The following PLCB3 variants were observed in gnomAD, a reference collection of about 807,000 sequenced individuals.
PLCB3 encodes 1-phosphatidylinositol 4,5-bisphosphate phosphodiesterase beta-3.
Under a neutral mutation model 152.1 loss-of-function variants are expected in PLCB3, and 54 were observed. That is an observed-to-expected ratio of 0.36 (90% CI 0.29 to 0.45). The LOEUF is 0.45. PLCB3 is among the 20% of genes least tolerant of loss of function. PLCB3 has a pLI of 1.00. For missense variants in PLCB3, 1,248 were observed against 1,687.5 expected (o/e 0.74, Z 4.56); for synonymous variants, 717 against 698.7 (o/e 1.03, Z -0.41).
chr11:64,267,447 TGGG>T lies in PLCB3; in HGVS notation c.3599_3601del (p.Gly1200del). ...CTGCTGGGCGAGATGCCGGAGGGGC[TGGG>T]GGACGGGCCTCTGGTGGCCTGTGCC... On this transcript the variant is annotated inframe_deletion, in exon 31 of 31. Transcript: ENST00000279230. The surrounding 1 kb of genome is among the most constrained non-coding windows in gnomAD (Gnocchi z 5.2). 6.4e-7 allele frequency: 1 copy of T among 1,553,144 alleles called. No individual in the cohort carries two copies. The highest frequency in any genetic ancestry group is 8.7e-7 in the Non-Finnish European group (1 of 1,151,992).
chr11:64,264,090 C>G lies in PLCB3; in HGVS notation c.2630C>G (p.Ala877Gly). Residue 877 changes from alanine to glycine, a missense_variant, in exon 22 of 31, where the codon GCC becomes GGC. This residue lies in a region of PLCB3 where 477 missense variants were observed against 489.6 expected (regional missense o/e 0.97). Coordinates refer to ENST00000279230, the MANE Select transcript of PLCB3 (RefSeq NM_000932.5). The stretch of plus-strand genomic sequence containing the variant: ...ATGGACCAGAGGGCCCGGCAGCTGG[C>G]CGCCCTCATTGGGGAGAGTGAGGTG... ...SLMDQRARQL[A>G]ALIGESEAQA... 6.5e-7 allele frequency: 1 copy of G among 1,548,526 alleles called. No individual in the cohort carries two copies. The highest frequency in any genetic ancestry group is 2.3e-5 in the East Asian group (1 of 44,236).
intron 22 of PLCB3, among the ~76,000 whole-genome samples, chr11:64,264,346 C>T (rs577339498): frequency 6.6e-6 from 1 of 152,324 alleles, no homozygotes; most frequent in South Asian, 2.1e-4. Context: ...ACAGGGGTCT[C>T]AGCCACTTCA....
intron 10 of PLCB3, 72 bp downstream of exon 10, chr11:64,256,836 G>T (rs2031558777): frequency 1.3e-6 from 2 of 1,513,182 alleles, no homozygotes; most frequent in East Asian, 2.3e-5. Flanking sequence ...TCCTCCTGGG[G>T]CACAGTCCTT....
At position 64,258,328 on chromosome 11, in the gene PLCB3, G is replaced by A; in HGVS notation, c.1013-145G>A. ...TCAGGGATGACTCCCCCCAGCTCAC[G>A]CTGGTGGGATGGACAGGTGGTGGGT... On this transcript the variant is annotated intron_variant, in intron 10 of 30. Coordinates refer to ENST00000279230, the MANE Select transcript of PLCB3 (RefSeq NM_000932.5). This position sits in a 1 kb window ranked among gnomAD's most constrained non-coding sequence, Gnocchi z 7.2. 2.3e-6 allele frequency: 2 copies of A among 885,656 alleles called. No individual in the cohort carries two copies. The highest frequency in any genetic ancestry group is 3.4e-6 in the Non-Finnish European group (2 of 593,020). 54.9% of individuals were successfully genotyped at this position (885,656 alleles called of 1,614,324 possible). A position where few individuals can be genotyped will look rare whatever the true frequency, so the allele number is the denominator to read the frequency against.
chr11:64,260,127 G>A lies in PLCB3; in HGVS notation c.1624G>A (p.Gly542Ser), dbSNP rs1485596424. The A allele has an allele frequency of 1.2e-6, 2 of 1,611,418 alleles. No homozygotes were observed. Among genetic ancestry groups the A allele is most frequent in the Admixed American group, 3.4e-5 (2 of 59,176 alleles). Reference sequence around the variant, plus strand: ...GCCTCAGAAGTCTCTGGGTGACGAGGGCCTGAACCGAGGCCCCTATGTTCT... The same window carrying A: ...GCCTCAGAAGTCTCTGGGTGACGAGAGCCTGAACCGAGGCCCCTATGTTCT... The part of the protein sequence containing the change: ...LEPQKSLGDE[G>S]LNRGPYVLGP... The change falls in exon 14 of 31, where the codon GGC (glycine) becomes AGC (serine). Residue 542 changes from glycine to serine, a missense_variant. Physicochemically the swap from Gly to Ser is moderately conservative, Grantham distance 56. Transcript: ENST00000279230.
chr11:64,259,557 C>T (rs768254206), intron 13 of PLCB3, among the ~76,000 whole-genome samples: 3 of 152,084 alleles, frequency 2.0e-5, no homozygotes, highest in South Asian at 2.1e-4. Context: ...CCACATCCCA[C>T]ACTGGGTGTG....
Position 64,262,562 on chromosome 11 carries a change from G to A in PLCB3, c.2193+1G>A. ...CGTGGCCAATGCCTTGCGGGTCAAG[G>A]TGGGGCTTGCGGGCGGCTCAGGCCA... On this transcript the variant is annotated splice_donor_variant, in intron 18 of 30. Transcript: ENST00000279230. LOFTEE classifies it high-confidence loss of function. 1 of 1,613,332 alleles carries A rather than the reference G, an allele frequency of 6.2e-7. No individual in the cohort carries two copies. The highest frequency in any genetic ancestry group is 1.3e-5 in the African/African-American group (1 of 75,046).
chr11:64,263,386 A>G, intron 19 of PLCB3, 112 bp from the exon 20 acceptor site: 1 of 659,144 alleles, frequency 1.5e-6, no homozygotes, highest in Non-Finnish European at 2.6e-6. Context: ...TCAGTAGGTC[A>G]GCTCGTCTGA....
In PLCB3 at chr11:64,261,406, G is replaced by C; in HGVS notation, c.1738G>C (p.Ala580Pro). ...PKKPTTDEGT[A>P]SSEVNATEEM... ...CCTGGGTTGGGGCCCACAGGGCACAGCCAGCAGCGAGGTGAATGCCACTGA... is the reference window on the plus strand; with the variant it reads ...CCTGGGTTGGGGCCCACAGGGCACACCCAGCAGCGAGGTGAATGCCACTGA... Residue 580 changes from alanine to proline, a missense_variant, in exon 15 of 31, where the codon GCC becomes CCC. This residue lies in a region of PLCB3 where 244 missense variants were observed against 424.4 expected (regional missense o/e 0.57). Transcript: ENST00000279230. 6.2e-7 allele frequency: 1 copy of C among 1,613,668 alleles called. No homozygotes were observed. The highest frequency in any genetic ancestry group is 8.5e-7 in the Non-Finnish European group (1 of 1,179,656).
At position 64,260,162 on chromosome 11, in the gene PLCB3, T is replaced by G. The variant is rs2031773982; in HGVS notation, c.1659T>G (p.Ala553=). ...GAGGCCCCTATGTTCTTGGACCTGCTGACCGTGAGGATGAGGAGGAAGATG... is the reference window on the plus strand; with the variant it reads ...GAGGCCCCTATGTTCTTGGACCTGCGGACCGTGAGGATGAGGAGGAAGATG... ...LNRGPYVLGP[A]DREDEEEDEE... Residue 553 remains alanine (A), a synonymous_variant, in exon 14 of 31, where the codon GCT becomes GCG. Coordinates refer to ENST00000279230, the MANE Select transcript of PLCB3 (RefSeq NM_000932.5). The G allele has an allele frequency of 6.2e-7, 1 of 1,609,056 alleles. No individual in the cohort carries two copies. Among genetic ancestry groups the G allele is most frequent in the Non-Finnish European group, 8.5e-7 (1 of 1,178,060 alleles).
intron 23 of PLCB3, 44 bp downstream of exon 23, chr11:64,265,148 C>T (rs745408650): frequency 1.2e-5 from 19 of 1,558,498 alleles, no homozygotes; most frequent in Non-Finnish European, 1.6e-5. Context: ...GGGAGGCACC[C>T]CCCACCCTGT....
chr11:64,259,236 C>G lies in PLCB3; in HGVS notation c.1517C>G (p.Pro506Arg). 6.5e-6 allele frequency: 10 copies of G among 1,537,770 alleles called. No individual in the cohort carries two copies. The highest frequency in any genetic ancestry group is 8.8e-6 in the Non-Finnish European group (10 of 1,142,734). Residue 506 changes from proline (P) to arginine (R), a missense_variant, in exon 13 of 31, where the codon CCG (proline) becomes CGG (arginine). Around this residue, in one of 6 missense-constraint regions of PLCB3, gnomAD observed 105 missense variants for 100.9 expected, o/e 1.04. Transcript: ENST00000279230. ...TCCGCGGCCACCGAGCCCTCCTCCC[C>G]GCAGCTGGGTAGGCCCCAGCCCGGC... ...ESSAATEPSS[P>R]QLGSPSSDSC...
chr11:64,254,307 C>T, intron 1 of PLCB3, 108 bp from the exon 2 acceptor site: 1 of 895,986 alleles, frequency 1.1e-6, no homozygotes, highest in Non-Finnish European at 1.8e-6. Flanking sequence ...GAGGTTTCGT[C>T]TTAGCTCATG....
At position 64,258,753 on chromosome 11, in the gene PLCB3, A is replaced by T. The variant is rs372855408; in HGVS notation, c.1253+40A>T. 39 of 1,609,808 alleles carry T rather than the reference A, an allele frequency of 2.4e-5. No individual in the cohort carries two copies. Among genetic ancestry groups the T allele is most frequent in the Non-Finnish European group, 2.8e-5 (33 of 1,177,284 alleles). ...GGCATGAAACCCCATGGACCGGGGG[A>T]CAGTCTTCCAGCTTCAGTGCTGTTG... is the stretch of plus-strand genomic sequence containing the variant. On this transcript the variant is annotated intron_variant, in intron 11 of 30. Transcript: ENST00000279230. This position sits in a 1 kb window ranked among gnomAD's most constrained non-coding sequence, Gnocchi z 7.2.
chr11:64,267,627 G>A lies in PLCB3; in HGVS notation c.*71G>A. 2.2e-6 allele frequency: 2 copies of A among 919,736 alleles called. No homozygotes were observed. Among genetic ancestry groups the A allele is most frequent in the Non-Finnish European group, 3.2e-6 (2 of 627,928 alleles). The allele number at this position is 919,736 out of a possible 1,614,324, so 57.0% of individuals were successfully genotyped here. On this transcript the variant is annotated 3_prime_UTR_variant, in exon 31 of 31. Coordinates refer to ENST00000279230, the MANE Select transcript of PLCB3 (RefSeq NM_000932.5). This position sits in a 1 kb window ranked among gnomAD's most constrained non-coding sequence, Gnocchi z 5.2. ...GAGGGCAGGAGGCAATGACACTAAT[G>A]CTTTTTTTTTTTTTTTTTAACTTTT...
Position 64,262,296 on chromosome 11 carries a change from C to T in PLCB3, c.2039-111C>T, listed in dbSNP as rs144310347. Reference sequence around the variant, plus strand: ...TCCGGACCCTGATGCCATTTGAGCCCGCCCCTGACCCTGGACCTTGGATGC... The same window carrying T: ...TCCGGACCCTGATGCCATTTGAGCCTGCCCCTGACCCTGGACCTTGGATGC... On this transcript the variant is annotated intron_variant, in intron 17 of 30. Transcript: ENST00000279230. 1.6e-4 allele frequency: 222 copies of T among 1,404,410 alleles called. No homozygotes were observed. The East Asian group carries it at 4.1e-3, about 26-fold the overall frequency. 87.0% of individuals were successfully genotyped at this position (1,404,410 alleles called of 1,614,324 possible). A position where few individuals can be genotyped will look rare whatever the true frequency, so the allele number is the denominator to read the frequency against.
In PLCB3 at chr11:64,266,407, A is replaced by G; in HGVS notation, c.3356+3A>G. On this transcript the variant is annotated splice_donor_region_variant and intron_variant, in intron 28 of 30. Transcript: ENST00000279230. The surrounding 1 kb of genome is among the most constrained non-coding windows in gnomAD (Gnocchi z 4.9). ...AGGGACAAGCATAAGAAGGAGGCGT[A>G]AGGGCACCGGGACCGGGGGCCATCT... is the stretch of plus-strand genomic sequence containing the variant. 1 of 1,603,702 alleles carries G rather than the reference A, an allele frequency of 6.2e-7. No homozygotes were observed. Among genetic ancestry groups the G allele is most frequent in the Non-Finnish European group, 8.5e-7 (1 of 1,170,856 alleles).
Position 64,255,507 on chromosome 11 carries a change from T to C in PLCB3, c.522-34T>C. ...GCCCTGACCTTGGTGACCTTTGTCC[T>C]CCACTGACCCTGAACCCCTCCTGCC... On this transcript the variant is annotated intron_variant, in intron 6 of 30. Coordinates refer to ENST00000279230, the MANE Select transcript of PLCB3 (RefSeq NM_000932.5). The surrounding 1 kb of genome is among the most constrained non-coding windows in gnomAD (Gnocchi z 6.8). 1 of 1,613,984 alleles carries C rather than the reference T, an allele frequency of 6.2e-7. No individual in the cohort carries two copies. The highest frequency in any genetic ancestry group is 8.5e-7 in the Non-Finnish European group (1 of 1,179,862).
intron 1 of PLCB3, among the ~76,000 whole-genome samples, chr11:64,253,188 G>T (rs894044665): frequency 6.6e-6 from 1 of 152,322 alleles, no homozygotes; most frequent in African/African-American, 2.4e-5. Flanking sequence ...CCACAATGGG[G>T]TGTGGCTGAG....
Sources: gnomAD v4.1 joint callset for allele counts (sites outside exome capture counted in the v4.1 genomes callset) on GRCh38, gnomAD v4.1.1 for gene constraint, gnomAD v4.1.1 regional missense constraint, Gnocchi (gnomAD v3.1) non-coding constraint, MANE v1.5 for transcripts, NCBI Gene and HGNC (gene_info 2026-07-23, HGNC 2026-07-21) for gene names.